RHOBTB2: variants seen among roughly 807,000 people sequenced by gnomAD.
RHOBTB2 encodes the protein rho-related BTB domain-containing protein 2.
A neutral mutation model predicts 66.5 loss-of-function variants in RHOBTB2; 39 were observed. That is an observed-to-expected ratio of 0.59 (90% CI 0.45 to 0.77). The LOEUF (loss-of-function observed/expected upper bound fraction) is 0.77, where lower values mean the gene tolerates loss of function less well. RHOBTB2 is among the 30% of genes least tolerant of loss of function. The pLI, the probability that RHOBTB2 is intolerant of heterozygous loss-of-function variation, is 0.00. For missense variants in RHOBTB2, 755 were observed against 999.1 expected (o/e 0.76, Z 3.29); for synonymous variants, 390 against 395.0 (o/e 0.99, Z 0.15).
chr8:22,958,180 C>T, the RHOBTB2 span, among the ~76,000 whole-genome samples: 3 of 152,208 alleles, frequency 2.0e-5, no homozygotes, highest in African/African-American at 4.8e-5. Flanking sequence ...CCTGGCCTGG[C>T]ACAGGTGGGT....
chr8:22,960,308 TCCC>T, the RHOBTB2 span, among the ~76,000 whole-genome samples: 1 of 143,088 alleles, frequency 7.0e-6, no homozygotes, highest in African/African-American at 2.6e-5. Context: ...AGCCCTCCCC[TCCC>T]CTCCCCTCCC....
intron 6 of RHOBTB2, among the ~76,000 whole-genome samples, 181 bp from the exon 7 acceptor site, chr8:23,010,357 T>C (rs1292035516): frequency 6.6e-6 from 1 of 152,134 alleles, no homozygotes; most frequent in African/African-American, 2.4e-5. Context: ...CAGCACAGGT[T>C]GTCGCTCTAG....
In RHOBTB2 at chr8:23,001,074, A is replaced by G. The variant is rs143538651; in HGVS notation, c.-11+969A>G. Among the ~76,000 whole-genome samples the G allele has an allele frequency of 9.9e-3, 1,500 of 152,260 alleles. 65 individuals are homozygous for G. The highest frequency in any genetic ancestry group is 0.078 in the Admixed American group (1,190 of 15,274). ...ACACCTTGGGTTTTGGCTTGCACCA[A>G]GTACAAAGAGCTGGGAGAGCGGTGG... On this transcript the variant is annotated intron_variant, in intron 1 of 9. Coordinates refer to ENST00000251822, the MANE Select transcript of RHOBTB2 (RefSeq NM_015178.3).
chr8:22,963,133 A>G, the RHOBTB2 span, among the ~76,000 whole-genome samples: 1 of 152,210 alleles, frequency 6.6e-6, no homozygotes, highest in Non-Finnish European at 1.5e-5. Flanking sequence ...GCCAAAGGAC[A>G]TGATGCCAGG....
chr8:22,995,827 G>A (rs976767716), upstream of RHOBTB2: 1 of 1,550,832 alleles, frequency 6.4e-7, no homozygotes, highest in South Asian at 1.2e-5. Context: ...CAAGGCCCAT[G>A]GGGTGGGCTC....
chr8:22,996,784 T>A (rs1303187404), upstream of RHOBTB2, among the ~76,000 whole-genome samples: 1 of 151,942 alleles, frequency 6.6e-6, no homozygotes, highest in Non-Finnish European at 1.5e-5. Context: ...GGGACAGGGA[T>A]GGGCATGAGA....
the RHOBTB2 span, among the ~76,000 whole-genome samples, chr8:22,963,628 T>G: frequency 2.0e-5 from 3 of 151,574 alleles, no homozygotes; most frequent in African/African-American, 7.3e-5. Flanking sequence ...AAGAAAGAGG[T>G]TTAATTGGGC....
chr8:23,017,600 T>G lies in RHOBTB2; in HGVS notation c.*131T>G. 7.2e-7 allele frequency: 1 copy of G among 1,397,224 alleles called. No homozygotes were observed. 86.6% of individuals were successfully genotyped at this position (1,397,224 alleles called of 1,614,324 possible). A position where few individuals can be genotyped will look rare whatever the true frequency, so the allele number is the denominator to read the frequency against. ...GTAACCAGGACCCAGAGGGTGGAGCTCTTCTTACCAGCCACCGTGGCTCAG... is the reference window on the plus strand; with the variant it reads ...GTAACCAGGACCCAGAGGGTGGAGCGCTTCTTACCAGCCACCGTGGCTCAG... On this transcript the variant is annotated 3_prime_UTR_variant, in exon 10 of 10. Transcript: ENST00000251822. The surrounding 1 kb of genome is among the most constrained non-coding windows in gnomAD (Gnocchi z 5.3).
At chr8:23,005,927 T>A (rs1003532337) in intron 3 of RHOBTB2, 33 bp from the exon 4 acceptor site, 2 of 1,590,260 alleles carry the variant, frequency 1.3e-6, no homozygotes, top group Non-Finnish European at 1.7e-6. Context: ...ACCACTTGTT[T>A]CTCTGCCCGT....
intron 7 of RHOBTB2, among the ~76,000 whole-genome samples, chr8:23,013,793 G>A (rs1355678563): frequency 6.6e-5 from 10 of 152,244 alleles, no homozygotes; most frequent in Admixed American, 6.5e-4. Context: ...ACCGTGCCCG[G>A]CCAGTTGTTT....
At chr8:22,979,215 C>T in the RHOBTB2 span, among the ~76,000 whole-genome samples, 2 of 152,098 alleles carry the variant, frequency 1.3e-5, no homozygotes, top group Admixed American at 1.3e-4. Context: ...TTCTTTCTTC[C>T]TCCCTTCCTT....
chr8:22,977,353 G>A, the RHOBTB2 span, among the ~76,000 whole-genome samples: 1 of 152,098 alleles, frequency 6.6e-6, no homozygotes, highest in Non-Finnish European at 1.5e-5. Flanking sequence ...GGTAAGGCAG[G>A]TGGATTGCTT....
At chr8:22,953,138 A>C in the RHOBTB2 span, among the ~76,000 whole-genome samples, 1 of 152,110 alleles carries the variant, frequency 6.6e-6, no homozygotes, top group African/African-American at 2.4e-5. Context: ...CGGCGTGTTT[A>C]CTGGAGTTAT....
chr8:23,009,282 T>A (rs1405313648), intron 6 of RHOBTB2, among the ~76,000 whole-genome samples: 1 of 152,162 alleles, frequency 6.6e-6, no homozygotes, highest in East Asian at 1.9e-4. Flanking sequence ...GCTCTCACGA[T>A]GCCACCACTT....
chr8:22,997,969 A>G (rs1250627414), upstream of RHOBTB2, among the ~76,000 whole-genome samples: 2 of 152,238 alleles, frequency 1.3e-5, no homozygotes, highest in African/African-American at 4.8e-5. Context: ...ATGTATTCAA[A>G]TAAGTACTTT....
At chr8:22,952,693 G>T in the RHOBTB2 span, among the ~76,000 whole-genome samples, 1 of 152,156 alleles carries the variant, frequency 6.6e-6, no homozygotes, top group African/African-American at 2.4e-5. Flanking sequence ...ATCACCTGAG[G>T]TCAGGAGTTC....
At chr8:22,966,636 G>A in the RHOBTB2 span, among the ~76,000 whole-genome samples, 13 of 151,976 alleles carry the variant, frequency 8.6e-5, no homozygotes, top group East Asian at 5.8e-4. Flanking sequence ...AAAAAAAAGC[G>A]GGGTGGTGGG....
upstream of RHOBTB2, chr8:22,999,519 C>T: frequency 1.9e-6 from 2 of 1,079,450 alleles, no homozygotes; most frequent in Non-Finnish European, 2.3e-6. Context: ...CCCCCGAACG[C>T]TTTCCACCAA....
At chr8:22,956,658 T>TTTG in the RHOBTB2 span, among the ~76,000 whole-genome samples, 13 of 152,066 alleles carry the variant, frequency 8.5e-5, no homozygotes, top group Non-Finnish European at 1.3e-4. Context: ...CCAGGTTTTG[T>TTTG]TTGTTTGTTT....
Sources: gnomAD v4.1 joint callset for allele counts (sites outside exome capture counted in the v4.1 genomes callset) on GRCh38, gnomAD v4.1.1 for gene constraint, Gnocchi (gnomAD v3.1) non-coding constraint, MANE v1.5 for transcripts, NCBI Gene and HGNC (gene_info 2026-07-23, HGNC 2026-07-21) for gene names.